PTPRD: variants seen among roughly 807,000 people sequenced by gnomAD.
PTPRD encodes the protein receptor-type tyrosine-protein phosphatase delta.
A neutral mutation model predicts 214.5 loss-of-function variants in PTPRD; 34 were observed. The observed-to-expected ratio is 0.16, with a 90% CI of 0.12 to 0.21. The LOEUF is 0.21. Ranked by LOEUF, PTPRD falls within the 10% of genes least tolerant of loss-of-function variation. The probability of loss-of-function intolerance (pLI) is 1.00; values close to 1 mark genes in which losing one functional copy is unlikely to be tolerated. For synonymous variants in PTPRD, 1,128 were observed against 845.7 expected (o/e 1.33, Z -5.79); for missense variants, 2,545 against 2,398.7 (o/e 1.06, Z -1.27).
chr9:8,619,231 C>T (rs1273064250), intron 14 of PTPRD, among the ~76,000 whole-genome samples: 1 of 152,026 alleles, frequency 6.6e-6, no homozygotes. Flanking sequence ...ATTCTCTTAG[C>T]ATCTTTCAAG....
At chr9:9,810,989 A>G (rs545977056) in intron 5 of PTPRD, among the ~76,000 whole-genome samples, 66 of 152,016 alleles carry the variant, frequency 4.3e-4, no homozygotes, top group Admixed American at 3.5e-3. Context: ...TGTAATCCCA[A>G]CACTTTGGGA....
At chr9:10,187,395 C>T (rs1042437620) in intron 3 of PTPRD, among the ~76,000 whole-genome samples, 1 of 152,146 alleles carries the variant, frequency 6.6e-6, no homozygotes, top group Non-Finnish European at 1.5e-5. Flanking sequence ...ATATTAGGAG[C>T]TTCCAAATTA....
At chr9:9,322,584 A>G (rs1263312453) in intron 9 of PTPRD, among the ~76,000 whole-genome samples, 1 of 152,152 alleles carries the variant, frequency 6.6e-6, no homozygotes, top group Admixed American at 6.5e-5. Flanking sequence ...TACAGCAGCA[A>G]ATGTCTAGGA....
intron 33 of PTPRD, among the ~76,000 whole-genome samples, chr9:8,453,082 G>C (rs2096024359): frequency 6.6e-6 from 1 of 152,160 alleles, no homozygotes; most frequent in Non-Finnish European, 1.5e-5. Flanking sequence ...ATAAAATAGA[G>C]GGAGATTAGA....
chr9:10,269,992 T>C (rs1462529129), intron 3 of PTPRD, among the ~76,000 whole-genome samples: 2 of 152,078 alleles, frequency 1.3e-5, no homozygotes, highest in Non-Finnish European at 2.9e-5. Flanking sequence ...AAATGTAAGC[T>C]TCTTGAGAGG....
At chr9:9,143,677 T>C (rs564582990) in intron 10 of PTPRD, among the ~76,000 whole-genome samples, 5 of 152,298 alleles carry the variant, frequency 3.3e-5, no homozygotes, top group African/African-American at 9.6e-5. Context: ...TCACAAACTT[T>C]GTATGTTATT....
chr9:8,790,453 T>C (rs906456952), intron 11 of PTPRD, among the ~76,000 whole-genome samples: 6 of 152,170 alleles, frequency 3.9e-5, no homozygotes, highest in Non-Finnish European at 7.4e-5. Flanking sequence ...AGTCTCACTC[T>C]GTTGCCCAGG....
At chr9:9,778,692 A>G (rs2098818996) in intron 5 of PTPRD, among the ~76,000 whole-genome samples, 1 of 152,126 alleles carries the variant, frequency 6.6e-6, no homozygotes, top group Non-Finnish European at 1.5e-5. Flanking sequence ...TGAATGCTCT[A>G]CGTTCATACA....
intron 11 of PTPRD, among the ~76,000 whole-genome samples, chr9:8,934,733 G>A (rs1400957082): frequency 6.7e-6 from 1 of 150,364 alleles, no homozygotes. Context: ...CCTGCATAAC[G>A]GAAACTTTTT....
intron 4 of PTPRD, among the ~76,000 whole-genome samples, chr9:9,969,462 C>G (rs1014931959): frequency 6.6e-6 from 1 of 152,134 alleles, no homozygotes; most frequent in East Asian, 1.9e-4. Context: ...TATTAAAAAT[C>G]TCAGGTATGC....
At chr9:9,601,753 C>G (rs531993698) in intron 7 of PTPRD, among the ~76,000 whole-genome samples, 1 of 151,968 alleles carries the variant, frequency 6.6e-6, no homozygotes, top group Non-Finnish European at 1.5e-5. Flanking sequence ...GATCATTGTT[C>G]TGGTGGAAAC....
Position 8,820,486 on chromosome 9 carries a change from G to GA in PTPRD, c.-103-86541dup, listed in dbSNP as rs1221047262. ...TTCATTAGTTAATTATAAAATGTCA[G>GA]AAAAAATATTAAGAAAGTAAGTGTT... On this transcript the variant is annotated intron_variant, in intron 11 of 45. Transcript: ENST00000381196. 2.6e-5 allele frequency among the ~76,000 whole-genome samples: 4 copies of GA among 152,046 alleles called. No individual in the cohort carries two copies. In the East Asian group the frequency reaches 7.7e-4, roughly 29 times the overall value.
chr9:10,170,829 C>T (rs1431330329), intron 3 of PTPRD, among the ~76,000 whole-genome samples: 3 of 152,156 alleles, frequency 2.0e-5, no homozygotes, highest in African/African-American at 7.2e-5. Context: ...AATTGTATAT[C>T]ATCACACTAA....
intron 21 of PTPRD, among the ~76,000 whole-genome samples, chr9:8,516,320 T>A (rs542233086): frequency 6.6e-6 from 1 of 152,154 alleles, no homozygotes; most frequent in South Asian, 2.1e-4. Flanking sequence ...GATATATGGA[T>A]AGTTTTTAAT....
chr9:8,527,402 A>G (rs1592814723), intron 15 of PTPRD, 49 bp from the exon 16 acceptor site: 1 of 1,554,502 alleles, frequency 6.4e-7, no homozygotes, highest in East Asian at 2.3e-5. Flanking sequence ...AAATATTATT[A>G]TATTCCTTAT....
intron 14 of PTPRD, among the ~76,000 whole-genome samples, chr9:8,556,667 A>G (rs553085308): frequency 6.6e-6 from 1 of 152,262 alleles, no homozygotes; most frequent in East Asian, 1.9e-4. Flanking sequence ...TTGCTATATT[A>G]TAAGAGGTCA....
chr9:8,326,691 C>T (rs937717081), intron 44 of PTPRD, among the ~76,000 whole-genome samples: 2 of 147,676 alleles, frequency 1.4e-5, no homozygotes, highest in African/African-American at 5.1e-5. Flanking sequence ...TGGTCCTGGA[C>T]TTTTTTTGGT....
intron 39 of PTPRD, among the ~76,000 whole-genome samples, chr9:8,367,245 G>A (rs6477298): frequency 0.91 from 138,159 of 152,184 alleles, 62,755 homozygotes; most frequent in African/African-American, 0.93. Flanking sequence ...TTTTAAGTTA[G>A]AAGCTTTGAG....
chr9:10,470,394 T>C (rs1328855917), intron 2 of PTPRD, among the ~76,000 whole-genome samples: 3 of 152,130 alleles, frequency 2.0e-5, no homozygotes, highest in Non-Finnish European at 4.4e-5. Flanking sequence ...TCATAGTAAA[T>C]GGATTTCAAT....
Sources: gnomAD v4.1 joint callset for allele counts (sites outside exome capture counted in the v4.1 genomes callset) on GRCh38, gnomAD v4.1.1 for gene constraint, MANE v1.5 for transcripts, NCBI Gene and HGNC (gene_info 2026-07-23, HGNC 2026-07-21) for gene names.